The following PSMC4 variants were observed in gnomAD, a reference collection of about 807,000 sequenced individuals.
PSMC4 encodes the protein proteasome 26S subunit, ATPase 4.
PSMC4 carries 13 observed loss-of-function variants against 48.4 expected under a neutral mutation model. The observed-to-expected ratio is 0.27, with a 90% CI of 0.18 to 0.43. The LOEUF is 0.43. Ranked by LOEUF, PSMC4 falls within the 20% of genes least tolerant of loss-of-function variation. The probability of loss-of-function intolerance (pLI) is 1.00; values close to 1 mark genes in which losing one functional copy is unlikely to be tolerated. For missense variants in PSMC4, 262 were observed against 555.9 expected (o/e 0.47, Z 5.32); for synonymous variants, 202 against 212.3 (o/e 0.95, Z 0.42).
chr19:39,981,395 C>A lies in PSMC4; in HGVS notation c.*90C>A. The A allele has an allele frequency of 2.2e-6, 2 of 900,790 alleles. No individual in the cohort carries two copies. Among genetic ancestry groups the A allele is most frequent in the Non-Finnish European group, 3.6e-6 (2 of 551,950 alleles). The allele number at this position is 900,790 out of a possible 1,614,324, so 55.8% of individuals were successfully genotyped here. A position where few individuals can be genotyped will look rare whatever the true frequency, so the allele number is the denominator to read the frequency against. ...GTCCCAAAACCTCATTCCCTTTTTT[C>A]TTTACCCAGGATTGGTTTCTTCAAT... On this transcript the variant is annotated 3_prime_UTR_variant, in exon 11 of 11. Coordinates refer to ENST00000157812, the MANE Select transcript of PSMC4 (RefSeq NM_006503.4).
intron 6 of PSMC4, among the ~76,000 whole-genome samples, chr19:39,978,261 A>G (rs1312353412): frequency 6.6e-6 from 1 of 152,106 alleles, no homozygotes; most frequent in Non-Finnish European, 1.5e-5. Flanking sequence ...TTGGGAGGAC[A>G]GGGAAGGTTG....
chr19:39,974,731 T>C lies in PSMC4; in HGVS notation c.580-4T>C. The C allele has an allele frequency of 6.2e-7, 1 of 1,614,066 alleles. No individual in the cohort carries two copies. ...CCACTTCTCTTCCTTCCTCTGGGTT[T>C]CAGATCGGCATCGATCCCCCCCGAG... On this transcript the variant is annotated splice_region_variant and splice_polypyrimidine_tract_variant and intron_variant, in intron 5 of 10. Transcript: ENST00000157812. The surrounding 1 kb of genome is among the most constrained non-coding windows in gnomAD (Gnocchi z 5.5).
intron 3 of PSMC4, among the ~76,000 whole-genome samples, chr19:39,973,140 T>C (rs969397163): frequency 2.6e-5 from 4 of 152,232 alleles, no homozygotes; most frequent in South Asian, 2.1e-4. Context: ...ATATTTAGCC[T>C]TACTAGGTGT....
intron 3 of PSMC4, 70 bp downstream of exon 3, chr19:39,972,625 A>G (rs1354015837): frequency 4.2e-6 from 6 of 1,443,122 alleles, no homozygotes; most frequent in Non-Finnish European, 5.6e-6. Context: ...GCTAGGCAGC[A>G]GCAAACAAGG....
chr19:39,974,840 C>G lies in PSMC4; in HGVS notation c.673+12C>G. The stretch of plus-strand genomic sequence containing the variant: ...ACATCACACAACAGGTGAGCCCTTT[C>G]GCCCCTGCCCCGAGCTCTCATCTTC... On this transcript the variant is annotated intron_variant, in intron 6 of 10. Transcript: ENST00000157812. This position sits in a 1 kb window ranked among gnomAD's most constrained non-coding sequence, Gnocchi z 5.5. 6.2e-7 allele frequency: 1 copy of G among 1,608,132 alleles called. No homozygotes were observed. The highest frequency in any genetic ancestry group is 8.5e-7 in the Non-Finnish European group (1 of 1,175,084).
intron 6 of PSMC4, among the ~76,000 whole-genome samples, chr19:39,977,470 A>G (rs1971222802): frequency 6.6e-6 from 1 of 151,978 alleles, no homozygotes; most frequent in South Asian, 2.1e-4. Context: ...TGTAGAAGGG[A>G]TGTAGAAATG....
chr19:39,978,554 C>T (rs1971241368), intron 6 of PSMC4, among the ~76,000 whole-genome samples: 2 of 152,026 alleles, frequency 1.3e-5, no homozygotes, highest in Admixed American at 6.6e-5. Context: ...AGGGAGTGAA[C>T]AGGGCAGGGC....
At position 39,980,087 on chromosome 19, in the gene PSMC4, A is replaced by C. The variant is rs745440518; in HGVS notation, c.859A>C (p.Arg287=). 2.5e-6 allele frequency: 4 copies of C among 1,614,136 alleles called. No homozygotes were observed. Among genetic ancestry groups the C allele is most frequent in the East Asian group, 4.5e-5 (2 of 44,874 alleles). ...ACTCTCAGCCGACAGGGAGGTTCAG[A>C]GGATCCTGCTGGAGCTGCTGAATCA... ...AQTGADREVQ[R]ILLELLNQMD... Residue 287 remains arginine (R), a synonymous_variant, in exon 8 of 11, where the codon AGG becomes CGG. Coordinates refer to ENST00000157812, the MANE Select transcript of PSMC4 (RefSeq NM_006503.4). This position sits in a 1 kb window ranked among gnomAD's most constrained non-coding sequence, Gnocchi z 4.8.
chr19:39,971,337 C>CCGGGGT, intron 1 of PSMC4, 99 bp downstream of exon 1: 1 of 1,473,792 alleles, frequency 6.8e-7, no homozygotes, highest in Non-Finnish European at 9.4e-7. Context: ...AGGACCCCGG[C>CCGGGGT]CCAGGTTGGG....
intron 6 of PSMC4, among the ~76,000 whole-genome samples, chr19:39,976,699 CG>C: frequency 6.6e-6 from 1 of 151,648 alleles, no homozygotes; most frequent in Admixed American, 6.6e-5. Flanking sequence ...TTAGTAGAGA[CG>C]GGGTTTCACC....
At chr19:39,972,639 G>A in intron 3 of PSMC4, 84 bp downstream of exon 3, 1 of 1,252,680 alleles carries the variant, frequency 8.0e-7, no homozygotes, top group Non-Finnish European at 1.1e-6. Context: ...AACAAGGCAG[G>A]GCAGTGCAGT....
At chr19:39,972,587 T>TC in intron 3 of PSMC4, 32 bp downstream of exon 3, 1 of 1,579,638 alleles carries the variant, frequency 6.3e-7, no homozygotes, top group Non-Finnish European at 8.6e-7. Context: ...CATTCATCTG[T>TC]CCACTTAACA....
chr19:39,976,699 C>T (rs1160192958), intron 6 of PSMC4, among the ~76,000 whole-genome samples: 28 of 151,648 alleles, frequency 1.8e-4, no homozygotes, highest in East Asian at 5.9e-4. Flanking sequence ...TTAGTAGAGA[C>T]GGGGTTTCAC....
At position 39,974,452 on chromosome 19, in the gene PSMC4, G is replaced by C; in HGVS notation, c.469+12G>C. The C allele has an allele frequency of 6.2e-7, 1 of 1,613,786 alleles. No homozygotes were observed. On this transcript the variant is annotated intron_variant, in intron 4 of 10. Transcript: ENST00000157812. The surrounding 1 kb of genome is among the most constrained non-coding windows in gnomAD (Gnocchi z 5.5). The stretch of plus-strand genomic sequence containing the variant: ...GATGCTCACCTCAGGTAAAGGGGGA[G>C]CCTGCAGCTGGGAGGGCCCCATGGG...
At chr19:39,972,072 A>G (rs1971108813) in intron 1 of PSMC4, 74 bp from the exon 2 acceptor site, 1 of 1,397,246 alleles carries the variant, frequency 7.2e-7, no homozygotes, top group South Asian at 1.2e-5. Context: ...GGAGGGGAAC[A>G]AACATTAGTG....
chr19:39,972,703 A>G (rs901628361), intron 3 of PSMC4, 148 bp downstream of exon 3: 14 of 518,388 alleles, frequency 2.7e-5, no homozygotes, highest in Non-Finnish European at 4.3e-5. Flanking sequence ...ACATACATAT[A>G]TATATATATA....
In PSMC4 at chr19:39,974,195, T is replaced by A. The variant is rs550829549; in HGVS notation, c.323-99T>A. 3.2e-5 allele frequency: 48 copies of A among 1,481,944 alleles called. No individual in the cohort carries two copies. The South Asian group carries it at 5.6e-4, about 17-fold the overall frequency. The allele number at this position is 1,481,944 out of a possible 1,614,324, so 91.8% of individuals were successfully genotyped here. A position where few individuals can be genotyped will look rare whatever the true frequency, so the allele number is the denominator to read the frequency against. The stretch of plus-strand genomic sequence containing the variant: ...GGCCGAGAGGGGACCCCTCAGGGTC[T>A]GAACCAGAGATGTTGGGGTGTGGAG... On this transcript the variant is annotated intron_variant, in intron 3 of 10. Transcript: ENST00000157812. This position sits in a 1 kb window ranked among gnomAD's most constrained non-coding sequence, Gnocchi z 5.5.
In PSMC4 at chr19:39,974,803, A is replaced by C. The variant is rs1971172119; in HGVS notation, c.648A>C (p.Ala216=). Residue 216 remains alanine (A), a synonymous_variant, in exon 6 of 11, where the codon GCA becomes GCC. Coordinates refer to ENST00000157812, the MANE Select transcript of PSMC4 (RefSeq NM_006503.4). This position sits in a 1 kb window ranked among gnomAD's most constrained non-coding sequence, Gnocchi z 5.5. The stretch of plus-strand genomic sequence containing the variant: ...CTGGCTGTGGGAAGACCATGTTGGC[A>C]AAGGCGGTGGCACATCACACAACAG... ...GPPGCGKTML[A]KAVAHHTTAA... 2 of 1,614,058 alleles carry C rather than the reference A, an allele frequency of 1.2e-6. No individual in the cohort carries two copies. The highest frequency in any genetic ancestry group is 1.7e-6 in the Non-Finnish European group (2 of 1,179,980).
Position 39,974,595 on chromosome 19 carries a change from G to A in PSMC4, c.541G>A (p.Val181Met). ...CCAGAAGCAGGAGGTGCGGGAGGCCGTGGAGCTCCCGCTCACGCATTTCGA... is the reference window on the plus strand; with the variant it reads ...CCAGAAGCAGGAGGTGCGGGAGGCCATGGAGCTCCCGCTCACGCATTTCGA... Reference protein sequence around the residue: ...DIQKQEVREAVELPLTHFELY... With the variant: ...DIQKQEVREAMELPLTHFELY... The change falls in exon 5 of 11, where the codon GTG becomes ATG. Residue 181 changes from valine (V) to methionine (M), a missense_variant. Physicochemically the swap from Val to Met is conservative, Grantham distance 21. Around this residue, in one of 4 missense-constraint regions of PSMC4, gnomAD observed 131 missense variants for 276.7 expected, o/e 0.47. Transcript: ENST00000157812. This position sits in a 1 kb window ranked among gnomAD's most constrained non-coding sequence, Gnocchi z 5.5. 1 of 1,614,082 alleles carries A rather than the reference G, an allele frequency of 6.2e-7. No individual in the cohort carries two copies. Among genetic ancestry groups the A allele is most frequent in the Non-Finnish European group, 8.5e-7 (1 of 1,180,006 alleles).
Sources: gnomAD v4.1 joint callset for allele counts (sites outside exome capture counted in the v4.1 genomes callset) on GRCh38, gnomAD v4.1.1 for gene constraint, gnomAD v4.1.1 regional missense constraint, Gnocchi (gnomAD v3.1) non-coding constraint, MANE v1.5 for transcripts, NCBI Gene and HGNC (gene_info 2026-07-23, HGNC 2026-07-21) for gene names.